Variants in ZNF276 observed in about 807,000 individuals in gnomAD.
ZNF276 encodes zinc finger protein 276.
Under a neutral mutation model 63.9 loss-of-function variants are expected in ZNF276, and 59 were observed. That is an observed-to-expected ratio of 0.92 (90% CI 0.75 to 1.15). The LOEUF (loss-of-function observed/expected upper bound fraction) is 1.15. ZNF276 is among the 50% of genes most tolerant of loss of function. The probability of loss-of-function intolerance (pLI) is 0.00; values close to 1 mark genes in which losing one functional copy is unlikely to be tolerated. For missense variants in ZNF276, 1,084 were observed against 843.8 expected (o/e 1.28, Z -3.53); for synonymous variants, 496 against 348.4 (o/e 1.42, Z -4.72).
intron 6 of ZNF276, among the ~76,000 whole-genome samples, chr16:89,729,648 G>T (rs899442582): frequency 2.0e-5 from 3 of 152,098 alleles, no homozygotes; most frequent in Non-Finnish European, 4.4e-5. Flanking sequence ...CCTTCTGCCG[G>T]TCCTGCCCTG....
rs1339915964 is a variant in ZNF276 at position 89,739,911 on chromosome 16, G to C, written c.*1665G>C. The C allele has an allele frequency of 1.9e-6, 3 of 1,590,870 alleles. No homozygotes were observed. The highest frequency in any genetic ancestry group is 4.5e-5 in the East Asian group (2 of 44,528). ...AAACTTACTTAGCAAGGAACCTCAA[G>C]GAGGGCTCGTTCTTAACCATTTGCA... On this transcript the variant is annotated 3_prime_UTR_variant, in exon 11 of 11. Coordinates refer to ENST00000443381, the MANE Select transcript of ZNF276 (RefSeq NM_001113525.2).
Position 89,740,085 on chromosome 16 carries a change from C to T in ZNF276, c.*1839C>T, listed in dbSNP as rs768380959. 14 of 1,614,054 alleles carry T rather than the reference C, an allele frequency of 8.7e-6. No individual in the cohort carries two copies. The highest frequency in any genetic ancestry group is 1.2e-5 in the Non-Finnish European group (14 of 1,180,036). On this transcript the variant is annotated 3_prime_UTR_variant, in exon 11 of 11. Transcript: ENST00000443381. ...CTGCACAAACGTGGAAAGCCTTTGG[C>T]AGGTCTGTGGTGCTCTGTAAACCGC...
At chr16:89,725,833 G>C (rs1288943050) in intron 4 of ZNF276, among the ~76,000 whole-genome samples, 1 of 152,160 alleles carries the variant, frequency 6.6e-6, no homozygotes, top group Non-Finnish European at 1.5e-5. Context: ...TTTAAGTAGA[G>C]ACAGGGTCTC....
rs1288149453 is a variant in ZNF276, at chr16:89,740,622, T to A, written c.*2376T>A. On this transcript the variant is annotated 3_prime_UTR_variant, in exon 11 of 11. Transcript: ENST00000443381. Reference sequence around the variant, plus strand: ...CTGCACTCCAGCCTGGGTGACAGAGTGAGACCCCCATCTCAAAAAAAAAAA... The same window carrying A: ...CTGCACTCCAGCCTGGGTGACAGAGAGAGACCCCCATCTCAAAAAAAAAAA... The A allele has an allele frequency of 3.4e-6, 2 of 592,904 alleles. No homozygotes were observed. Among genetic ancestry groups the A allele is most frequent in the Non-Finnish European group, 3.0e-6 (1 of 335,908 alleles). The allele number at this position is 592,904 out of a possible 1,614,324, so 36.7% of individuals were successfully genotyped here.
Position 89,733,563 on chromosome 16 carries a change from C to T in ZNF276, c.1356+6C>T, listed in dbSNP as rs1567580679. On this transcript the variant is annotated splice_donor_region_variant and intron_variant, in intron 8 of 10. Coordinates refer to ENST00000443381, the MANE Select transcript of ZNF276 (RefSeq NM_001113525.2). The stretch of plus-strand genomic sequence containing the variant: ...GAGGCGCTGACGGCATGAAGGTGAG[C>T]ACTGGCTGTGCCTGACCCAGGCCCG... 1 of 1,613,708 alleles carries T rather than the reference C, an allele frequency of 6.2e-7. No individual in the cohort carries two copies. The highest frequency in any genetic ancestry group is 8.5e-7 in the Non-Finnish European group (1 of 1,179,984).
rs754170870 is a variant in ZNF276 at position 89,738,935 on chromosome 16, G to GA, written c.*694dup. On this transcript the variant is annotated 3_prime_UTR_variant, in exon 11 of 11. Transcript: ENST00000443381. ...GGGCACCGAGGTATTAACTGCAGCA[G>GA]AAAAAGACGAGCTTTTGTTATCAGT... 6.2e-7 allele frequency: 1 copy of GA among 1,614,250 alleles called. No individual in the cohort carries two copies. The highest frequency in any genetic ancestry group is 8.5e-7 in the Non-Finnish European group (1 of 1,180,048).
At chr16:89,727,681 G>A (rs1249873300) in intron 5 of ZNF276, among the ~76,000 whole-genome samples, 1 of 152,220 alleles carries the variant, frequency 6.6e-6, no homozygotes, top group Non-Finnish European at 1.5e-5. Flanking sequence ...GCTCCAGAGG[G>A]AGCCTGATAG....
chr16:89,733,533 G>A lies in ZNF276; in HGVS notation c.1332G>A (p.Val444=). The change falls in exon 8 of 11, where the codon GTG becomes GTA. Residue 444 remains valine, a synonymous_variant. Coordinates refer to ENST00000443381, the MANE Select transcript of ZNF276 (RefSeq NM_001113525.2). ...YKCPYQGCTA[V]YRGADGMKKH... ...GTCCTTACCAGGGCTGCACGGCCGT[G>A]TACCGAGGCGCTGACGGCATGAAGG... The A allele has an allele frequency of 6.2e-7, 1 of 1,614,158 alleles. No homozygotes were observed.
intron 9 of ZNF276, among the ~76,000 whole-genome samples, chr16:89,736,795 CAAAAA>C (rs3039799): frequency 2.9e-4 from 21 of 72,480 alleles, no homozygotes; most frequent in Admixed American, 6.1e-4. Context: ...ACCCTGTCTC[CAAAAA>C]AAAAAAAAAA....
At chr16:89,736,488 C>G (rs2061898117) in intron 9 of ZNF276, among the ~76,000 whole-genome samples, 1 of 151,888 alleles carries the variant, frequency 6.6e-6, no homozygotes, top group South Asian at 2.1e-4. Context: ...CCACACCTGG[C>G]TAATTTTTGT....
intron 9 of ZNF276, among the ~76,000 whole-genome samples, chr16:89,734,718 T>C (rs2061792083): frequency 6.6e-6 from 1 of 152,158 alleles, no homozygotes; most frequent in South Asian, 2.1e-4. Flanking sequence ...TGGTTCTGCC[T>C]TTTCACATGT....
At chr16:89,720,739 A>T (rs1240142411), upstream of ZNF276, 1 of 1,426,448 alleles carries the variant, frequency 7.0e-7, no homozygotes, top group Non-Finnish European at 9.2e-7. Context: ...TCAGCGGCCA[A>T]GCCCCGCCCC....
chr16:89,720,868 G>T, upstream of ZNF276: 1 of 1,372,156 alleles, frequency 7.3e-7, no homozygotes, highest in South Asian at 1.7e-5. Context: ...CCATGGCGCC[G>T]AGCGGGGGAG....
chr16:89,722,012 C>G (rs141164555), intron 1 of ZNF276, among the ~76,000 whole-genome samples, 167 bp downstream of exon 1: 5,360 of 152,180 alleles, frequency 0.035, 150 homozygotes, highest in Middle Eastern at 0.2. Flanking sequence ...GCTCGGTTTT[C>G]CTCGCGCTCC....
intron 6 of ZNF276, 88 bp downstream of exon 6, chr16:89,729,406 C>G (rs2061573547): frequency 2.6e-6 from 3 of 1,139,442 alleles, no homozygotes; most frequent in African/African-American, 3.1e-5. Flanking sequence ...CCGGTGCCCA[C>G]TCAGTTCACT....
At position 89,733,560 on chromosome 16, in the gene ZNF276, G is replaced by A. The variant is rs368734930; in HGVS notation, c.1356+3G>A. 2 of 1,613,764 alleles carry A rather than the reference G, an allele frequency of 1.2e-6. No homozygotes were observed. The highest frequency in any genetic ancestry group is 2.2e-5 in the East Asian group (1 of 44,878). On this transcript the variant is annotated splice_donor_region_variant and intron_variant, in intron 8 of 10. Coordinates refer to ENST00000443381, the MANE Select transcript of ZNF276 (RefSeq NM_001113525.2). ...ACCGAGGCGCTGACGGCATGAAGGT[G>A]AGCACTGGCTGTGCCTGACCCAGGC...
intron 9 of ZNF276, 86 bp from the exon 10 acceptor site, chr16:89,737,720 G>A: frequency 6.3e-7 from 1 of 1,599,312 alleles, no homozygotes; most frequent in Non-Finnish European, 8.5e-7. Context: ...TGTCTTCCCA[G>A]CTGTGATGGT....
intron 6 of ZNF276, chr16:89,732,166 CTCTT>C (rs1296926499): frequency 5.1e-5 from 3 of 58,896 alleles, no homozygotes; most frequent in East Asian, 3.0e-3. Context: ...GTGCGTCTCT[CTCTT>C]TAAGTCTCCG....
At chr16:89,721,365 G>A (rs968263459), upstream of ZNF276, 60 of 346,068 alleles carry the variant, frequency 1.7e-4, no homozygotes, top group African/African-American at 1.2e-3. Context: ...CCCGCCCCAG[G>A]CCAGCGCTCC....
Sources: allele counts gnomAD v4.1 joint callset (sites outside exome capture counted in the v4.1 genomes callset), GRCh38; gene constraint gnomAD v4.1.1; transcripts MANE v1.5; gene names NCBI Gene and HGNC (gene_info 2026-07-23, HGNC 2026-07-21).